Variants in PIP5K1B observed in about 807,000 individuals in gnomAD.
PIP5K1B encodes phosphatidylinositol-4-phosphate 5-kinase type 1 beta.
In PIP5K1B, 42 loss-of-function variants were observed where a neutral mutation model predicts 67.0. That is an observed-to-expected ratio of 0.63 (90% confidence interval 0.49 to 0.81). The LOEUF is 0.81. Ranked by LOEUF, PIP5K1B falls within the 30% of genes least tolerant of loss-of-function variation. PIP5K1B has a pLI of 0.00. For synonymous variants in PIP5K1B, 214 were observed against 231.4 expected, an observed-to-expected ratio of 0.92 and a Z score of 0.68; for missense variants, 459 against 646.3, an observed-to-expected ratio of 0.71 and a Z score of 3.14.
At chr9:68,717,937 C>G (rs2132254446) in intron 1 of PIP5K1B, among the ~76,000 whole-genome samples, 1 of 152,338 alleles carries the variant, frequency 6.6e-6, no homozygotes, top group Admixed American at 6.5e-5. Context: ...CCACCATACA[C>G]TGGTCATGAG....
intron 2 of PIP5K1B, among the ~76,000 whole-genome samples, chr9:68,793,872 G>T (rs1832138816): frequency 6.6e-6 from 1 of 152,164 alleles, no homozygotes; most frequent in Non-Finnish European, 1.5e-5. Context: ...AGGGGAAAGT[G>T]TCATTAAAGA....
chr9:68,805,822 G>A (rs1251462643), intron 2 of PIP5K1B, among the ~76,000 whole-genome samples: 1 of 152,206 alleles, frequency 6.6e-6, no homozygotes, highest in Non-Finnish European at 1.5e-5. Context: ...AGAAACTCCT[G>A]CAAAGAACTC....
rs151173998 is a variant in PIP5K1B at position 68,729,793 on chromosome 9, G to T, written c.-242-12708G>T. Among the ~76,000 whole-genome samples the T allele has an allele frequency of 8.7e-4, 132 of 152,204 alleles. 4 individuals carry two copies. The East Asian group carries it at 0.021, about 24-fold the overall frequency. On this transcript the variant is annotated intron_variant, in intron 1 of 15. Coordinates refer to ENST00000265382, the MANE Select transcript of PIP5K1B (RefSeq NM_003558.4). ...TGTTGGCATGGCTGTGTAGAATTTGGTATTTGTAGATTTTTGTTAGCTTTC... is the reference window on the plus strand; with the variant it reads ...TGTTGGCATGGCTGTGTAGAATTTGTTATTTGTAGATTTTTGTTAGCTTTC...
rs753475770 is a variant in PIP5K1B, at chr9:68,940,778, T to C, written c.1490T>C (p.Leu497Pro). Residue 497 changes from leucine to proline, a missense_variant, in exon 14 of 16, where the codon CTC becomes CCC. Coordinates refer to ENST00000265382, the MANE Select transcript of PIP5K1B (RefSeq NM_003558.4). ...CACTATCCACACGACAGGCCTACAC[T>C]CTATTCAAACAGGTAATACTTAGTG... is the stretch of plus-strand genomic sequence containing the variant. ...NEHYPHDRPTLYSNSKGLPSS... is the reference protein window; with the variant it reads ...NEHYPHDRPTPYSNSKGLPSS... The C allele has an allele frequency of 3.7e-6, 6 of 1,613,896 alleles. No homozygotes were observed. Among genetic ancestry groups the C allele is most frequent in the Non-Finnish European group, 5.1e-6 (6 of 1,179,848 alleles).
chr9:68,799,747 A>G (rs1264884275), intron 2 of PIP5K1B, among the ~76,000 whole-genome samples: 1 of 152,204 alleles, frequency 6.6e-6, no homozygotes, highest in Non-Finnish European at 1.5e-5. Context: ...AGATGGATGA[A>G]TGACTTAAAA....
intron 4 of PIP5K1B, among the ~76,000 whole-genome samples, chr9:68,848,679 G>A (rs900695133): frequency 1.3e-5 from 2 of 152,136 alleles, no homozygotes; most frequent in African/African-American, 4.8e-5. Context: ...TATAGTTTCT[G>A]CCCTGTGAGA....
In PIP5K1B at chr9:68,764,392, G is replaced by A. The variant is rs116744746; in HGVS notation, c.-86+21735G>A. 2.1e-3 allele frequency among the ~76,000 whole-genome samples: 325 copies of A among 152,036 alleles called. 1 individual carries two copies. The highest frequency in any genetic ancestry group is 7.5e-3 in the African/African-American group (313 of 41,494). ...TGTCATCTTATTTTCCTAACTTGTTGTTTTAATCATCTCTAACATTAGATT... is the reference window on the plus strand; with the variant it reads ...TGTCATCTTATTTTCCTAACTTGTTATTTTAATCATCTCTAACATTAGATT... On this transcript the variant is annotated intron_variant, in intron 2 of 15. Transcript: ENST00000265382.
intron 14 of PIP5K1B, among the ~76,000 whole-genome samples, chr9:68,989,155 T>C (rs72722054): frequency 8.8e-4 from 131 of 149,042 alleles, no homozygotes; most frequent in Non-Finnish European, 1.7e-3. Context: ...TTTTTTTTAA[T>C]ATTAAAAAGG....
intron 8 of PIP5K1B, among the ~76,000 whole-genome samples, chr9:68,904,386 G>T (rs1380795286): frequency 6.6e-6 from 1 of 152,230 alleles, no homozygotes; most frequent in African/African-American, 2.4e-5. Context: ...TGGAGAGCTT[G>T]GTTTGGACAG....
At chr9:68,946,204 A>G (rs1029723510) in intron 14 of PIP5K1B, among the ~76,000 whole-genome samples, 2 of 152,154 alleles carry the variant, frequency 1.3e-5, no homozygotes, top group African/African-American at 4.8e-5. Context: ...AAAACTTCCT[A>G]GTGATTCCAT....
chr9:68,967,098 G>A (rs150722467), intron 14 of PIP5K1B, among the ~76,000 whole-genome samples: 2 of 152,304 alleles, frequency 1.3e-5, no homozygotes, highest in East Asian at 3.9e-4. Context: ...AGAATTTGGG[G>A]TTGGGTAAAA....
intron 4 of PIP5K1B, among the ~76,000 whole-genome samples, chr9:68,832,048 C>CAG (rs1834354146): frequency 6.6e-6 from 1 of 152,202 alleles, no homozygotes; most frequent in African/African-American, 2.4e-5. Flanking sequence ...AAGTGTATCT[C>CAG]ACTTCTGAAC....
chr9:68,932,449 A>G (rs1196246674), intron 12 of PIP5K1B, among the ~76,000 whole-genome samples: 1 of 152,214 alleles, frequency 6.6e-6, no homozygotes, highest in East Asian at 1.9e-4. Flanking sequence ...TTAACAAAAA[A>G]AATTGCGTGT....
intron 2 of PIP5K1B, among the ~76,000 whole-genome samples, chr9:68,743,140 T>TGGG (rs1401990200): frequency 6.6e-6 from 1 of 151,586 alleles, no homozygotes; most frequent in East Asian, 1.9e-4. Context: ...CAGAACCTAG[T>TGGG]GGGGAGCAGG....
chr9:68,823,586 G>A (rs972205006), intron 4 of PIP5K1B, among the ~76,000 whole-genome samples: 1 of 151,986 alleles, frequency 6.6e-6, no homozygotes, highest in Non-Finnish European at 1.5e-5. Context: ...ATAAATTCTC[G>A]ACTCCCAGCT....
chr9:68,800,788 T>C (rs1832556854), intron 2 of PIP5K1B, among the ~76,000 whole-genome samples: 1 of 152,190 alleles, frequency 6.6e-6, no homozygotes, highest in South Asian at 2.1e-4. Flanking sequence ...AGGTTGCCTT[T>C]TTGTCATTCA....
intron 14 of PIP5K1B, among the ~76,000 whole-genome samples, chr9:68,946,993 C>G (rs1212059169): frequency 6.6e-6 from 1 of 152,160 alleles, no homozygotes; most frequent in Non-Finnish European, 1.5e-5. Flanking sequence ...ACATAGTAAG[C>G]CCCATAAAAC....
Position 68,841,950 on chromosome 9 carries a change from T to A in PIP5K1B, c.69+19267T>A, listed in dbSNP as rs374714533. Among the ~76,000 whole-genome samples, 6 of 152,360 alleles carry A rather than the reference T, an allele frequency of 3.9e-5. No homozygotes were observed. The East Asian group carries it at 9.6e-4, about 24-fold the overall frequency. On this transcript the variant is annotated intron_variant, in intron 4 of 15. Coordinates refer to ENST00000265382, the MANE Select transcript of PIP5K1B (RefSeq NM_003558.4). ...AGAGGCCCAAATACCTTAAGTCCCT[T>A]GTCCAAGAGTATGCTGAGTGCAGAA...
intron 1 of PIP5K1B, among the ~76,000 whole-genome samples, chr9:68,708,539 C>CTG (rs1302701836): frequency 5.6e-5 from 4 of 71,582 alleles, no homozygotes; most frequent in East Asian, 8.3e-4. Context: ...CTTTTGTTTG[C>CTG]CGCCCCCCCG....
Sources: allele counts gnomAD v4.1 joint callset (sites outside exome capture counted in the v4.1 genomes callset), GRCh38; gene constraint gnomAD v4.1.1; transcripts MANE v1.5; gene names NCBI Gene and HGNC (gene_info 2026-07-23, HGNC 2026-07-21).